KCND2: variants seen among roughly 807,000 people sequenced by gnomAD.
KCND2 encodes A-type voltage-gated potassium channel KCND2.
KCND2 carries 16 observed loss-of-function variants against 54.4 expected under a neutral mutation model. The observed-to-expected ratio is 0.29, with a 90% CI of 0.20 to 0.45. The LOEUF (loss-of-function observed/expected upper bound fraction) is 0.45. Among genes scored for constraint, KCND2 ranks in the 20% least tolerant of loss-of-function variants. The pLI is 1.00. For synonymous variants in KCND2, 317 were observed against 310.7 expected, an observed-to-expected ratio of 1.02 and a Z score of -0.21; for missense variants, 486 against 824.2, an observed-to-expected ratio of 0.59 and a Z score of 5.02.
intron 1 of KCND2, among the ~76,000 whole-genome samples, chr7:120,565,034 C>T (rs906068473): frequency 6.6e-6 from 1 of 152,032 alleles, no homozygotes; most frequent in Non-Finnish European, 1.5e-5. Context: ...AATTTGAGTT[C>T]CAATGATATT....
At chr7:120,442,348 A>G (rs1235042854) in intron 1 of KCND2, among the ~76,000 whole-genome samples, 2 of 152,118 alleles carry the variant, frequency 1.3e-5, no homozygotes, top group African/African-American at 4.8e-5. Context: ...TGCTCTGCCT[A>G]GTTTTACGGC....
chr7:120,713,132 A>G (rs79026413), intron 1 of KCND2, among the ~76,000 whole-genome samples: 108 of 152,250 alleles, frequency 7.1e-4, no homozygotes, highest in Non-Finnish European at 1.3e-3. Flanking sequence ...ATTTTTCCAT[A>G]TAAGGTTCTT....
intron 1 of KCND2, among the ~76,000 whole-genome samples, chr7:120,428,565 C>T (rs1008913770): frequency 6.6e-6 from 1 of 152,072 alleles, no homozygotes. Flanking sequence ...TGGCAAGTGG[C>T]AGATGGCAAA....
intron 1 of KCND2, among the ~76,000 whole-genome samples, chr7:120,478,300 G>A (rs1802558535): frequency 6.6e-6 from 1 of 152,044 alleles, no homozygotes; most frequent in Admixed American, 6.6e-5. Flanking sequence ...CTTTTAAATT[G>A]TCCTTTATCG....
At chr7:120,528,242 C>G (rs1009631471) in intron 1 of KCND2, among the ~76,000 whole-genome samples, 1 of 151,960 alleles carries the variant, frequency 6.6e-6, no homozygotes, top group African/African-American at 2.4e-5. Context: ...AATTGAGACT[C>G]TCAATTGTAA....
At chr7:120,675,628 C>T (rs1413056575) in intron 1 of KCND2, among the ~76,000 whole-genome samples, 3 of 152,120 alleles carry the variant, frequency 2.0e-5, no homozygotes, top group Non-Finnish European at 4.4e-5. Context: ...TATAGAGAGA[C>T]TTCCTGCTTG....
intron 1 of KCND2, among the ~76,000 whole-genome samples, chr7:120,444,318 A>G (rs1801989053): frequency 6.6e-6 from 1 of 152,110 alleles, no homozygotes; most frequent in South Asian, 2.1e-4. Context: ...GAGGTGAAAT[A>G]TAGGATCTTT....
intron 1 of KCND2, among the ~76,000 whole-genome samples, chr7:120,653,246 A>G (rs538468400): frequency 1.2e-4 from 17 of 144,656 alleles, no homozygotes; most frequent in Non-Finnish European, 2.0e-4. Context: ...GGGTCTCTCT[A>G]TGTTACCCAG....
chr7:120,577,080 G>A (rs1792444411), intron 1 of KCND2, among the ~76,000 whole-genome samples: 1 of 152,220 alleles, frequency 6.6e-6, no homozygotes, highest in South Asian at 2.1e-4. Context: ...CCGGGGGGTT[G>A]AAGTTGCAGT....
At chr7:120,538,766 G>C (rs1791943098) in intron 1 of KCND2, among the ~76,000 whole-genome samples, 1 of 152,176 alleles carries the variant, frequency 6.6e-6, no homozygotes, top group Admixed American at 6.5e-5. Context: ...TGGGCAGGAG[G>C]CCGATATGGA....
chr7:120,446,401 C>G (rs1253330317), intron 1 of KCND2, among the ~76,000 whole-genome samples: 1 of 152,152 alleles, frequency 6.6e-6, no homozygotes, highest in African/African-American at 2.4e-5. Flanking sequence ...TAACAATCAA[C>G]AACCAATCCA....
intron 1 of KCND2, among the ~76,000 whole-genome samples, chr7:120,282,064 T>C (rs1290974075): frequency 6.6e-6 from 1 of 152,190 alleles, no homozygotes; most frequent in African/African-American, 2.4e-5. Context: ...AACAGTTTGA[T>C]TTCTGGTGAA....
intron 1 of KCND2, among the ~76,000 whole-genome samples, chr7:120,319,593 G>A (rs914061059): frequency 2.0e-5 from 3 of 152,000 alleles, no homozygotes; most frequent in East Asian, 1.9e-4. Flanking sequence ...CACTCTTGCC[G>A]ATATATCTAA....
chr7:120,426,743 T>C (rs1167789825), intron 1 of KCND2, among the ~76,000 whole-genome samples: 2 of 152,030 alleles, frequency 1.3e-5, no homozygotes, highest in East Asian at 3.9e-4. Flanking sequence ...TGCCTCAGCC[T>C]CCTGAGTAGC....
At chr7:120,669,996 A>G (rs1584876850) in intron 1 of KCND2, among the ~76,000 whole-genome samples, 1 of 152,090 alleles carries the variant, frequency 6.6e-6, no homozygotes, top group Admixed American at 6.5e-5. Flanking sequence ...CTGCAGGACC[A>G]TAGTCTTCTT....
intron 1 of KCND2, among the ~76,000 whole-genome samples, chr7:120,452,937 C>T (rs1402949079): frequency 6.6e-6 from 1 of 152,132 alleles, no homozygotes; most frequent in African/African-American, 2.4e-5. Flanking sequence ...CCTGGGGCCC[C>T]AACCTGGCCA....
intron 1 of KCND2, among the ~76,000 whole-genome samples, chr7:120,418,845 CCAAA>C (rs1188862866): frequency 6.6e-5 from 10 of 152,116 alleles, no homozygotes; most frequent in Non-Finnish European, 1.2e-4. Context: ...AATTGTTCCA[CCAAA>C]CAAATACATT....
chr7:120,659,392 A>G (rs1791840030), intron 1 of KCND2, among the ~76,000 whole-genome samples: 1 of 152,162 alleles, frequency 6.6e-6, no homozygotes, highest in Admixed American at 6.5e-5. Flanking sequence ...CAACACAACC[A>G]TGCAGTCTCC....
At chr7:120,409,760 T>C (rs1056488831) in intron 1 of KCND2, among the ~76,000 whole-genome samples, 1 of 151,920 alleles carries the variant, frequency 6.6e-6, no homozygotes, top group African/African-American at 2.4e-5. Flanking sequence ...TTCAGTTGTA[T>C]GAGTTCTTCA....
Sources: allele counts gnomAD v4.1 joint callset (sites outside exome capture counted in the v4.1 genomes callset), GRCh38; gene constraint gnomAD v4.1.1; transcripts MANE v1.5; gene names NCBI Gene and HGNC (gene_info 2026-07-23, HGNC 2026-07-21).